The following AFG2A variants were observed in gnomAD, a reference collection of about 807,000 sequenced individuals.
AFG2A encodes ATPase family gene 2 protein homolog A.
the AFG2A span, among the ~76,000 whole-genome samples, chr4:123,267,552 A>G: frequency 1.3e-5 from 2 of 152,014 alleles, no homozygotes; most frequent in Non-Finnish European, 2.9e-5. Context: ...GGACAGGACA[A>G]TCTTTCAGTG....
the AFG2A span, among the ~76,000 whole-genome samples, chr4:123,266,920 A>G: frequency 3.3e-5 from 5 of 152,018 alleles, no homozygotes; most frequent in Admixed American, 6.6e-5. Flanking sequence ...GGAAATAAGC[A>G]TACCTCATTA....
the AFG2A span, among the ~76,000 whole-genome samples, chr4:123,297,567 AAAT>A: frequency 8.1e-3 from 1,226 of 152,124 alleles, 22 homozygotes; most frequent in African/African-American, 0.028. Flanking sequence ...AAAATACAAA[AAAT>A]TAGCCAGATG....
chr4:122,934,043 T>G, the AFG2A span: 1 of 1,490,188 alleles, frequency 6.7e-7, no homozygotes, highest in Non-Finnish European at 9.0e-7. Flanking sequence ...ATTTAAACAT[T>G]AAACTGGTAA....
At chr4:123,319,053 C>T in the AFG2A span, 4 of 152,106 alleles carry the variant, frequency 2.6e-5, no homozygotes, top group African/African-American at 4.8e-5. Flanking sequence ...AAACTTAGAA[C>T]GGCTTCTAAC....
chr4:123,121,055 C>G, the AFG2A span, among the ~76,000 whole-genome samples: 5 of 151,976 alleles, frequency 3.3e-5, no homozygotes, highest in African/African-American at 1.2e-4. Flanking sequence ...TATTGATGAT[C>G]CTGACCTACG....
chr4:123,115,568 G>T, the AFG2A span, among the ~76,000 whole-genome samples: 1 of 152,096 alleles, frequency 6.6e-6, no homozygotes, highest in Non-Finnish European at 1.5e-5. Flanking sequence ...ACCCCTCCAT[G>T]CCAGACCGTG....
At chr4:123,253,310 C>A in the AFG2A span, among the ~76,000 whole-genome samples, 1 of 152,078 alleles carries the variant, frequency 6.6e-6, no homozygotes, top group Non-Finnish European at 1.5e-5. Context: ...TGGCAAAACC[C>A]CATCTCTACT....
chr4:123,162,558 AATTTACTC>A, the AFG2A span, among the ~76,000 whole-genome samples: 1 of 152,210 alleles, frequency 6.6e-6, no homozygotes, highest in African/African-American at 2.4e-5. Flanking sequence ...ATGTCTATAA[AATTTACTC>A]ATATTATTGC....
chr4:122,975,718 T>A, the AFG2A span, among the ~76,000 whole-genome samples: 4 of 152,126 alleles, frequency 2.6e-5, no homozygotes, highest in African/African-American at 7.2e-5. Context: ...TATCCTTTGC[T>A]TTGGAGAGAG....
At chr4:123,089,192 A>C in the AFG2A span, among the ~76,000 whole-genome samples, 1 of 152,334 alleles carries the variant, frequency 6.6e-6, no homozygotes, top group East Asian at 1.9e-4. Flanking sequence ...AAATTTTTGA[A>C]CTTATAAGTC....
chr4:122,974,911 AT>A, the AFG2A span, among the ~76,000 whole-genome samples: 4 of 152,106 alleles, frequency 2.6e-5, no homozygotes, highest in African/African-American at 9.7e-5. Flanking sequence ...AAGTGGTGGG[AT>A]TACAGGCATG....
At chr4:123,016,663 T>C in the AFG2A span, among the ~76,000 whole-genome samples, 2 of 134,632 alleles carry the variant, frequency 1.5e-5, no homozygotes, top group African/African-American at 5.8e-5. Flanking sequence ...GAGGGGCTCC[T>C]CACGTCCCAG....
At chr4:122,972,830 G>T in the AFG2A span, among the ~76,000 whole-genome samples, 1 of 152,050 alleles carries the variant, frequency 6.6e-6, no homozygotes, top group South Asian at 2.1e-4. Context: ...GTTGCTTTGT[G>T]TCCTAGCATA....
chr4:122,947,096 A>G, the AFG2A span: 1 of 670,466 alleles, frequency 1.5e-6, no homozygotes, highest in South Asian at 3.8e-5. Flanking sequence ...TTGATAGGTA[A>G]TGAAAGCGTA....
chr4:122,975,998 A>C, the AFG2A span, among the ~76,000 whole-genome samples: 1 of 152,080 alleles, frequency 6.6e-6, no homozygotes, highest in African/African-American at 2.4e-5. Flanking sequence ...TGTTTTGTGG[A>C]GTTTTGTATC....
the AFG2A span, among the ~76,000 whole-genome samples, chr4:123,086,546 G>T: frequency 3.2e-4 from 48 of 152,180 alleles, no homozygotes; most frequent in Middle Eastern, 3.4e-3. Context: ...GGACTTCCTG[G>T]ATGTGTATCT....
At chr4:122,995,982 C>A in the AFG2A span, among the ~76,000 whole-genome samples, 1 of 152,200 alleles carries the variant, frequency 6.6e-6, no homozygotes. Context: ...ACTCATTTAT[C>A]TCGCCCTTTA....
At chr4:123,095,295 T>C in the AFG2A span, among the ~76,000 whole-genome samples, 1 of 151,906 alleles carries the variant, frequency 6.6e-6, no homozygotes, top group East Asian at 1.9e-4. Context: ...GAACATGAAT[T>C]TTTTTTAACT....
chr4:123,164,014 T>C, the AFG2A span, among the ~76,000 whole-genome samples: 1 of 152,222 alleles, frequency 6.6e-6, no homozygotes, highest in Non-Finnish European at 1.5e-5. Flanking sequence ...GCATTGAGTG[T>C]TCTGATCAGG....
Sources: gnomAD v4.1 joint callset for allele counts (sites outside exome capture counted in the v4.1 genomes callset) on GRCh38, gnomAD v4.1.1 for gene constraint, MANE v1.5 for transcripts, NCBI Gene and HGNC (gene_info 2026-07-23, HGNC 2026-07-21) for gene names.